TPTE2: variants seen among roughly 807,000 people sequenced by gnomAD.
The protein encoded by TPTE2 is phosphatidylinositol 3,4,5-trisphosphate 3-phosphatase TPTE2.
A neutral mutation model predicts 78.6 loss-of-function variants in TPTE2; 53 were observed. The ratio of observed to expected loss-of-function variants is 0.67; its 90% CI spans 0.54 to 0.85. The LOEUF is 0.85. Ranked by LOEUF, TPTE2 falls within the 40% of genes least tolerant of loss-of-function variation. The pLI is 0.00. For missense variants in TPTE2, 461 were observed against 623.0 expected (o/e 0.74, Z 2.77); for synonymous variants, 175 against 206.2 (o/e 0.85, Z 1.30).
At chr13:19,443,774 A>ACC (rs1443549040) in intron 13 of TPTE2, among the ~76,000 whole-genome samples, 9 of 137,690 alleles carry the variant, frequency 6.5e-5, no homozygotes, top group African/African-American at 2.0e-4. Flanking sequence ...ACACACACAC[A>ACC]CACACAGTCG....
chr13:19,431,314 T>C (rs1195604580), intron 16 of TPTE2, among the ~76,000 whole-genome samples: 1 of 152,120 alleles, frequency 6.6e-6, no homozygotes, highest in African/African-American at 2.4e-5. Context: ...AAATATAGGA[T>C]AGTTATATCC....
chr13:19,512,993 G>A (rs1407041559), intron 1 of TPTE2, among the ~76,000 whole-genome samples: 1 of 152,188 alleles, frequency 6.6e-6, no homozygotes, highest in Non-Finnish European at 1.5e-5. Context: ...CTAATTTGGG[G>A]AGATGTTAAA....
chr13:19,532,611 A>C (rs1870954926), intron 1 of TPTE2, among the ~76,000 whole-genome samples: 1 of 152,222 alleles, frequency 6.6e-6, no homozygotes, highest in African/African-American at 2.4e-5. Flanking sequence ...ATAGCAGCTC[A>C]AAACAGACTA....
At chr13:19,463,592 T>C (rs530684622) in intron 10 of TPTE2, among the ~76,000 whole-genome samples, 2 of 152,304 alleles carry the variant, frequency 1.3e-5, no homozygotes, top group South Asian at 2.1e-4. Context: ...TTTTTGCACA[T>C]CTGGGGAAAC....
chr13:19,426,474 T>C (rs77380319), exon 18 of TPTE2: 4 of 1,440,006 alleles, frequency 2.8e-6, no homozygotes, highest in Non-Finnish European at 3.9e-6. Flanking sequence ...TGGACCGTCA[T>C]ATACATTAAT....
At chr13:19,436,117 G>A in intron 15 of TPTE2, 109 bp downstream of exon 18, 4 of 902,518 alleles carry the variant, frequency 4.4e-6, no homozygotes, top group East Asian at 2.7e-5. Context: ...GCACCCAACT[G>A]CTGCTGCCTG....
In TPTE2 at chr13:19,486,113, T is replaced by G. The variant is rs1016833707; in HGVS notation, c.120-3566A>C. On this transcript the variant is annotated intron_variant, in intron 3 of 19. Transcript: ENST00000400230. This position sits in a 1 kb window ranked among gnomAD's most constrained non-coding sequence, Gnocchi z 4.3. ...TGCTGTGTTTCTAAATTGATTTCTA[T>G]GCATCTGGTGAAAAAGTCACCTTTT... 9.9e-5 allele frequency among the ~76,000 whole-genome samples: 15 copies of G among 152,194 alleles called. No individual in the cohort carries two copies. Among genetic ancestry groups the G allele is most frequent in the Non-Finnish European group, 2.1e-4 (14 of 68,028 alleles).
At position 19,536,595 on chromosome 13, in the gene TPTE2, C is replaced by T. The variant is rs1871224418; in HGVS notation, c.-44+1G>A. 6.6e-6 allele frequency: 1 copy of T among 151,952 alleles called. No individual in the cohort carries two copies. Among genetic ancestry groups the T allele is most frequent in the Non-Finnish European group, 1.5e-5 (1 of 67,950 alleles). The allele number at this position is 151,952 out of a possible 1,614,324, so 9.4% of individuals were successfully genotyped here. A position where few individuals can be genotyped will look rare whatever the true frequency, so the allele number is the denominator to read the frequency against. On this transcript the variant is annotated splice_donor_variant, in intron 1 of 17. Coordinates refer to the TPTE2 transcript ENST00000390680. LOFTEE classifies it low-confidence loss of function (5UTR_SPLICE). ...ATTGCATGTATTCTGCTGCAACTTA[C>T]TTTTTCACTCAGCGTTGTTTCTGAA...
chr13:19,510,337 G>GC (rs1869350790), intron 1 of TPTE2, among the ~76,000 whole-genome samples: 1 of 152,148 alleles, frequency 6.6e-6, no homozygotes, highest in Non-Finnish European at 1.5e-5. Context: ...GCCAACATCT[G>GC]CTTCTGAGGC....
chr13:19,538,149 A>G (rs1871313159), upstream of TPTE2, among the ~76,000 whole-genome samples: 1 of 152,104 alleles, frequency 6.6e-6, no homozygotes, highest in Non-Finnish European at 1.5e-5. Context: ...TTATTCAGAG[A>G]TTATGCTTTT....
Position 19,443,897 on chromosome 13 carries a change from A to G in TPTE2, c.974-5744T>C, listed in dbSNP as rs142651962. Among the ~76,000 whole-genome samples, 327 of 152,290 alleles carry G rather than the reference A, an allele frequency of 2.1e-3. 6 individuals carry two copies. In the East Asian group the frequency reaches 0.04, roughly 18 times the overall value. On this transcript the variant is annotated intron_variant, in intron 13 of 19. Transcript: ENST00000400230. Reference sequence around the variant, plus strand: ...TGTACTGAATGTTCTAGCCAGTGCTAGGGGAGATAAATGACTGAAATGGAA... The same window carrying G: ...TGTACTGAATGTTCTAGCCAGTGCTGGGGGAGATAAATGACTGAAATGGAA...
chr13:19,449,176 T>C (rs879303737), intron 13 of TPTE2, among the ~76,000 whole-genome samples: 90 of 152,050 alleles, frequency 5.9e-4, no homozygotes, highest in Non-Finnish European at 8.7e-4. Context: ...TACTTTATTA[T>C]TATTGTTATT....
chr13:19,438,942 C>G (rs1013104032), intron 13 of TPTE2, among the ~76,000 whole-genome samples: 6 of 152,078 alleles, frequency 3.9e-5, no homozygotes, highest in Non-Finnish European at 7.3e-5. Flanking sequence ...TGGAGATCCA[C>G]GCAACCCGGG....
At chr13:19,520,655 C>T (rs913083774) in intron 1 of TPTE2, among the ~76,000 whole-genome samples, 2 of 151,704 alleles carry the variant, frequency 1.3e-5, no homozygotes, top group Admixed American at 6.6e-5. Flanking sequence ...TTTCAGTTTG[C>T]CCTTCTTCTA....
intron 16 of TPTE2, among the ~76,000 whole-genome samples, chr13:19,431,251 A>G (rs913200311): frequency 1.4e-4 from 21 of 152,226 alleles, no homozygotes; most frequent in East Asian, 7.7e-4. Context: ...AAATACTGTC[A>G]TTTAACTACT....
chr13:19,452,966 AT>A (rs998844444), intron 10 of TPTE2, among the ~76,000 whole-genome samples: 734 of 58,658 alleles, frequency 0.013, 8 homozygotes, highest in African/African-American at 0.027. Context: ...ATTTTATTTT[AT>A]TTTATTTTAT....
the TPTE2 span, among the ~76,000 whole-genome samples, chr13:19,542,275 C>T: frequency 6.6e-6 from 1 of 152,124 alleles, no homozygotes; most frequent in African/African-American, 2.4e-5. Context: ...CCATTTCCCT[C>T]CCAAGTCACT....
At chr13:19,559,163 G>T in the TPTE2 span, among the ~76,000 whole-genome samples, 100 of 152,312 alleles carry the variant, frequency 6.6e-4, no homozygotes, top group Admixed American at 1.0e-3. Flanking sequence ...AGTGCTGGCT[G>T]TAACAGTACT....
intron 1 of TPTE2, among the ~76,000 whole-genome samples, chr13:19,495,577 T>C (rs1353418982): frequency 6.6e-6 from 1 of 152,212 alleles, no homozygotes; most frequent in Non-Finnish European, 1.5e-5. Context: ...TCAAGGGAAC[T>C]CCTTGTTCCC....
Sources: gnomAD v4.1 joint callset for allele counts (sites outside exome capture counted in the v4.1 genomes callset) on GRCh38, gnomAD v4.1.1 for gene constraint, Gnocchi (gnomAD v3.1) non-coding constraint, MANE v1.5 for transcripts, NCBI Gene and HGNC (gene_info 2026-07-23, HGNC 2026-07-21) for gene names.